AFF3: variants seen among roughly 807,000 people sequenced by gnomAD.
The protein encoded by AFF3 is ALF transcription elongation factor 3, also known as AF4/FMR2 family member 3.
In AFF3, 32 loss-of-function variants were observed where a neutral mutation model predicts 129.7. The ratio of observed to expected loss-of-function variants is 0.25; its 90% CI spans 0.19 to 0.33. The LOEUF is 0.33. Among genes scored for constraint, AFF3 ranks in the 10% least tolerant of loss-of-function variants. AFF3 has a pLI of 1.00. For synonymous variants in AFF3, 644 were observed against 635.4 expected (o/e 1.01, Z -0.20); for missense variants, 1,373 against 1,592.0 (o/e 0.86, Z 2.34).
chr2:99,601,793 A>G (rs1373227526), intron 13 of AFF3, among the ~76,000 whole-genome samples, 172 bp from the exon 14 acceptor site: 1 of 152,202 alleles, frequency 6.6e-6, no homozygotes, highest in Non-Finnish European at 1.5e-5. Context: ...AAGTCATCCT[A>G]AAGGTTAAAG....
At chr2:99,975,347 C>G (rs781693587) in intron 7 of AFF3, among the ~76,000 whole-genome samples, 1 of 152,152 alleles carries the variant, frequency 6.6e-6, no homozygotes, top group Non-Finnish European at 1.5e-5. Context: ...TCAAAATTAT[C>G]TAACTATCTA....
At chr2:99,559,051 T>A in intron 21 of AFF3, 83 bp from the exon 22 acceptor site, 3 of 1,253,646 alleles carry the variant, frequency 2.4e-6, no homozygotes, top group South Asian at 1.2e-5. Context: ...GTTGTTGTTC[T>A]AAGGTACTCA....
At chr2:99,989,930 G>A (rs1346414058) in intron 7 of AFF3, among the ~76,000 whole-genome samples, 4 of 152,172 alleles carry the variant, frequency 2.6e-5, no homozygotes, top group Non-Finnish European at 5.9e-5. Flanking sequence ...TGCTATGATA[G>A]AAGAGTGCTA....
intron 8 of AFF3, among the ~76,000 whole-genome samples, chr2:99,773,125 T>C (rs1488934700): frequency 1.3e-5 from 2 of 152,212 alleles, no homozygotes; most frequent in African/African-American, 2.4e-5. Context: ...ACTCACACTG[T>C]TCAGGAAACA....
rs202219912 is a variant in AFF3, at chr2:99,885,408, G to A, written c.874-47884C>T. Among the ~76,000 whole-genome samples the A allele has an allele frequency of 3.9e-5, 6 of 152,294 alleles. No individual in the cohort carries two copies. The East Asian group carries it at 9.6e-4, about 24-fold the overall frequency. On this transcript the variant is annotated intron_variant, in intron 7 of 24. Transcript: ENST00000672756. ...AAGTCTTATCCATGTTTCCCTGAGAGCAGGAATTGTGTTTGGTACTCACAT... is the reference window on the plus strand; with the variant it reads ...AAGTCTTATCCATGTTTCCCTGAGAACAGGAATTGTGTTTGGTACTCACAT...
intron 7 of AFF3, among the ~76,000 whole-genome samples, chr2:99,989,928 T>C (rs113745561): frequency 8.5e-5 from 13 of 152,358 alleles, no homozygotes; most frequent in African/African-American, 2.6e-4. Context: ...ATTGCTATGA[T>C]AGAAGAGTGC....
At chr2:99,786,892 A>G (rs2115601) in intron 8 of AFF3, among the ~76,000 whole-genome samples, 132,434 of 152,118 alleles carry the variant, frequency 0.87, 57,688 homozygotes, top group South Asian at 0.92. Context: ...ATTGATACAC[A>G]CAGTAATGCT....
chr2:99,636,525 G>A (rs922110190), intron 13 of AFF3, among the ~76,000 whole-genome samples: 1 of 152,216 alleles, frequency 6.6e-6, no homozygotes, highest in East Asian at 1.9e-4. Context: ...AGCGGCAATG[G>A]GTAGAAGGCA....
At chr2:99,697,725 C>A (rs1177984198) in intron 11 of AFF3, among the ~76,000 whole-genome samples, 1 of 152,196 alleles carries the variant, frequency 6.6e-6, no homozygotes, top group Admixed American at 6.5e-5. Flanking sequence ...TGAGTTCTAG[C>A]CCTAGTTCTG....
intron 4 of AFF3, among the ~76,000 whole-genome samples, chr2:100,102,204 A>C (rs1256291311): frequency 2.6e-5 from 4 of 151,124 alleles, no homozygotes; most frequent in Non-Finnish European, 4.4e-5. Flanking sequence ...GTAAACCATA[A>C]AACTGAGAAC....
chr2:99,958,275 T>G (rs1196963979), intron 7 of AFF3, among the ~76,000 whole-genome samples: 1 of 152,014 alleles, frequency 6.6e-6, no homozygotes, highest in African/African-American at 2.4e-5. Context: ...GGCAGATCAC[T>G]TAAGGTCGGG....
intron 11 of AFF3, among the ~76,000 whole-genome samples, chr2:99,721,029 A>G (rs1291007113): frequency 6.6e-6 from 1 of 152,226 alleles, no homozygotes; most frequent in Non-Finnish European, 1.5e-5. Flanking sequence ...ATTAATTAAA[A>G]AAAGATTTAC....
intron 9 of AFF3, among the ~76,000 whole-genome samples, chr2:99,748,208 A>G (rs895140510): frequency 2.8e-4 from 43 of 152,282 alleles, no homozygotes; most frequent in African/African-American, 1.0e-3. Flanking sequence ...CAAAGGGACC[A>G]CACACTGAAG....
intron 8 of AFF3, among the ~76,000 whole-genome samples, chr2:99,833,103 G>C (rs932303185): frequency 6.6e-6 from 1 of 152,150 alleles, no homozygotes; most frequent in East Asian, 1.9e-4. Flanking sequence ...TCATTTGATT[G>C]ACATTTGTGA....
intron 15 of AFF3, 151 bp downstream of exon 15, chr2:99,593,044 A>G: frequency 1.3e-6 from 1 of 794,876 alleles, no homozygotes; most frequent in South Asian, 2.0e-5. Flanking sequence ...AAAGTACCCT[A>G]GAAGTGTGTG....
chr2:99,839,358 C>T (rs909297687), intron 7 of AFF3, among the ~76,000 whole-genome samples: 5 of 152,106 alleles, frequency 3.3e-5, no homozygotes, highest in African/African-American at 1.2e-4. Context: ...GATCCCCTCG[C>T]CTCGGCCTCC....
intron 7 of AFF3, among the ~76,000 whole-genome samples, chr2:99,963,375 G>A (rs1258234400): frequency 6.6e-6 from 1 of 152,082 alleles, no homozygotes; most frequent in Non-Finnish European, 1.5e-5. Context: ...AAAATTGATG[G>A]TTGAAGCAAA....
intron 7 of AFF3, among the ~76,000 whole-genome samples, chr2:99,868,616 G>A (rs563673222): frequency 3.3e-4 from 50 of 152,202 alleles, no homozygotes; most frequent in African/African-American, 5.1e-4. Flanking sequence ...AGTCTGTCTC[G>A]GATGATCCAG....
intron 7 of AFF3, among the ~76,000 whole-genome samples, chr2:99,907,994 T>A (rs553301668): frequency 1.3e-5 from 2 of 152,284 alleles, no homozygotes; most frequent in East Asian, 1.9e-4. Flanking sequence ...ACAAATTATC[T>A]GGTCTTTAAC....
Sources: gnomAD v4.1 joint callset for allele counts (sites outside exome capture counted in the v4.1 genomes callset) on GRCh38, gnomAD v4.1.1 for gene constraint, MANE v1.5 for transcripts, NCBI Gene and HGNC (gene_info 2026-07-23, HGNC 2026-07-21) for gene names.